Variants in FRMD4A observed in about 807,000 individuals in gnomAD.
FRMD4A encodes FERM domain-containing protein 4A.
Under a neutral mutation model 129.1 loss-of-function variants are expected in FRMD4A, and 29 were observed. The observed-to-expected ratio is 0.22, with a 90% CI of 0.17 to 0.31. The LOEUF is 0.31. FRMD4A is among the 10% of genes least tolerant of loss of function. The probability of loss-of-function intolerance (pLI) is 1.00; values close to 1 mark genes in which losing one functional copy is unlikely to be tolerated. For missense variants in FRMD4A, 1,272 were observed against 1,375.8 expected, an observed-to-expected ratio of 0.92 and a Z score of 1.19; for synonymous variants, 634 against 571.6, an observed-to-expected ratio of 1.11 and a Z score of -1.56.
At chr10:14,100,025 A>T (rs764725298) in intron 2 of FRMD4A, among the ~76,000 whole-genome samples, 2 of 152,204 alleles carry the variant, frequency 1.3e-5, no homozygotes, top group Non-Finnish European at 2.9e-5. Flanking sequence ...ACTGGGGTAC[A>T]GCACAGATCT....
Position 13,825,630 on chromosome 10 carries a change from G to A in FRMD4A, c.112-14722C>T, listed in dbSNP as rs116622925. Among the ~76,000 whole-genome samples the A allele has an allele frequency of 1.0e-2, 1,516 of 152,288 alleles. 23 individuals are homozygous for A. The highest frequency in any genetic ancestry group is 0.034 in the African/African-American group (1,394 of 41,560). On this transcript the variant is annotated intron_variant, in intron 3 of 24. Transcript: ENST00000357447. ...TGAAACTGGTCCCTTGTGCCAAAAA[G>A]CTTGGGGATCACTGGTCTATACAGT...
At chr10:13,714,696 A>T (rs992341767) in intron 12 of FRMD4A, among the ~76,000 whole-genome samples, 9 of 152,110 alleles carry the variant, frequency 5.9e-5, no homozygotes, top group African/African-American at 2.2e-4. Context: ...ATAGCCAGAG[A>T]TGGAAACCAT....
At chr10:13,823,737 C>T (rs1030457360) in intron 3 of FRMD4A, among the ~76,000 whole-genome samples, 37 of 152,226 alleles carry the variant, frequency 2.4e-4, no homozygotes, top group African/African-American at 8.7e-4. Flanking sequence ...TCAAATGACA[C>T]ATTGGCAGAT....
chr10:14,102,457 G>A (rs1448918172), intron 2 of FRMD4A, among the ~76,000 whole-genome samples: 1 of 152,188 alleles, frequency 6.6e-6, no homozygotes, highest in African/African-American at 2.4e-5. Context: ...AACCCGGGAG[G>A]CGGACACATT....
intron 2 of FRMD4A, among the ~76,000 whole-genome samples, chr10:14,198,345 A>G (rs1219100725): frequency 1.3e-5 from 2 of 152,188 alleles, no homozygotes; most frequent in African/African-American, 2.4e-5. Context: ...ATGTTGAGGC[A>G]ACTGCCATGC....
rs3222480 is a variant in FRMD4A, at chr10:14,261,987, C to CACACA, written c.45+68070_45+68071insTGTGT. Among the ~76,000 whole-genome samples, 72 of 146,184 alleles carry CACACA rather than the reference C, an allele frequency of 4.9e-4. 1 individual carries two copies. The East Asian group carries it at 0.011, about 21-fold the overall frequency. ...ACACACACACACACACACACACACA[C>CACACA]CTCATTTTCCCTAGTTCCCCTCTCT... On this transcript the variant is annotated intron_variant, in intron 2 of 24. Coordinates refer to ENST00000357447, the MANE Select transcript of FRMD4A (RefSeq NM_018027.5).
At chr10:14,034,201 C>T (rs1833391997) in intron 2 of FRMD4A, among the ~76,000 whole-genome samples, 1 of 152,130 alleles carries the variant, frequency 6.6e-6, no homozygotes, top group East Asian at 1.9e-4. Flanking sequence ...CCTAGATGTT[C>T]ATTAAGCGCA....
At chr10:14,023,512 G>C (rs1253087638) in intron 2 of FRMD4A, among the ~76,000 whole-genome samples, 1 of 152,142 alleles carries the variant, frequency 6.6e-6, no homozygotes, top group Non-Finnish European at 1.5e-5. Context: ...CGCCTTCCCG[G>C]GGGCAGCGCA....
intron 13 of FRMD4A, among the ~76,000 whole-genome samples, chr10:13,702,917 A>AAAG (rs2086997369): frequency 5.5e-5 from 1 of 18,284 alleles, no homozygotes; most frequent in African/African-American, 1.1e-4. Flanking sequence ...GTGAAGGAAA[A>AAAG]AAAAAAAAAA....
chr10:14,056,850 A>G (rs1275252845), intron 2 of FRMD4A, among the ~76,000 whole-genome samples: 1 of 152,222 alleles, frequency 6.6e-6, no homozygotes, highest in East Asian at 1.9e-4. Flanking sequence ...GTTCTCTGTC[A>G]TTCATAAATT....
intron 2 of FRMD4A, among the ~76,000 whole-genome samples, chr10:14,172,940 A>G (rs1177957251): frequency 6.6e-6 from 1 of 152,198 alleles, no homozygotes; most frequent in Non-Finnish European, 1.5e-5. Context: ...GAGATGGGAA[A>G]TTCTCGCAAA....
At chr10:14,023,759 A>G (rs376743952) in intron 2 of FRMD4A, among the ~76,000 whole-genome samples, 1 of 152,198 alleles carries the variant, frequency 6.6e-6, no homozygotes, top group South Asian at 2.1e-4. Flanking sequence ...CATCACAGGA[A>G]TAGAAGTGTC....
chr10:14,186,949 C>T (rs575689074), intron 2 of FRMD4A, among the ~76,000 whole-genome samples: 2 of 139,366 alleles, frequency 1.4e-5, no homozygotes, highest in South Asian at 2.5e-4. Flanking sequence ...ACTGAGACCT[C>T]GTCTCTGCAA....
intron 2 of FRMD4A, among the ~76,000 whole-genome samples, chr10:14,110,497 A>T (rs1174649343): frequency 6.6e-6 from 1 of 152,238 alleles, no homozygotes; most frequent in African/African-American, 2.4e-5. Context: ...ATAATTATTC[A>T]AGATGAGAAT....
At chr10:13,800,378 C>A (rs971250673) in intron 4 of FRMD4A, among the ~76,000 whole-genome samples, 1 of 152,154 alleles carries the variant, frequency 6.6e-6, no homozygotes, top group Non-Finnish European at 1.5e-5. Context: ...AAATATTCAT[C>A]TTTTGTCTTA....
intron 2 of FRMD4A, among the ~76,000 whole-genome samples, chr10:13,915,621 G>A (rs148186366): frequency 0.037 from 5,594 of 150,352 alleles, 355 homozygotes; most frequent in African/African-American, 0.13. Context: ...GCAGTGAGCC[G>A]AGATCACGCC....
At chr10:13,733,102 C>T (rs747993095) in intron 12 of FRMD4A, among the ~76,000 whole-genome samples, 4 of 152,226 alleles carry the variant, frequency 2.6e-5, no homozygotes, top group Non-Finnish European at 4.4e-5. Flanking sequence ...GGCTTAGGTG[C>T]GGACTTGCAT....
chr10:14,253,871 G>A (rs150251710), intron 2 of FRMD4A, among the ~76,000 whole-genome samples: 10 of 152,278 alleles, frequency 6.6e-5, no homozygotes, highest in African/African-American at 2.4e-4. Flanking sequence ...GTTGTAATTT[G>A]GTTTATGAAT....
intron 2 of FRMD4A, among the ~76,000 whole-genome samples, chr10:13,936,075 C>A (rs939211319): frequency 3.9e-5 from 6 of 152,180 alleles, no homozygotes; most frequent in Non-Finnish European, 4.4e-5. Flanking sequence ...TTACACTGAA[C>A]AAGATGTAAG....
Sources: allele counts gnomAD v4.1 joint callset (sites outside exome capture counted in the v4.1 genomes callset), GRCh38; gene constraint gnomAD v4.1.1; transcripts MANE v1.5; gene names NCBI Gene and HGNC (gene_info 2026-07-23, HGNC 2026-07-21).